The following CFAP77 variants were observed in gnomAD, a reference collection of about 807,000 sequenced individuals.
The protein encoded by CFAP77 is cilia and flagella associated protein 77, also known as cilia- and flagella-associated protein 77.
Under a neutral mutation model 31.1 loss-of-function variants are expected in CFAP77, and 25 were observed. The ratio of observed to expected loss-of-function variants is 0.80; its 90% CI spans 0.59 to 1.12. CFAP77 has a LOEUF of 1.12. CFAP77 is among the 50% of genes most tolerant of loss of function. The probability of loss-of-function intolerance (pLI) is 0.00; values close to 1 mark genes in which losing one functional copy is unlikely to be tolerated. For missense variants in CFAP77, 377 were observed against 397.3 expected, an observed-to-expected ratio of 0.95 and a Z score of 0.44; for synonymous variants, 151 against 159.9, an observed-to-expected ratio of 0.94 and a Z score of 0.42.
rs1850901970 is a variant in CFAP77 at position 132,455,763 on chromosome 9, CCAAATGTCTCTCCACT to C, written c.196-42929_196-42914del. On this transcript the variant is annotated intron_variant, in intron 1 of 5. Coordinates refer to ENST00000393216, the MANE Select transcript of CFAP77 (RefSeq NM_001282957.2). The surrounding 1 kb of genome is among the most constrained non-coding windows in gnomAD (Gnocchi z 4.1). ...ACAAAACAAAAAAGCAAAACGAACC[CCAAATGTCTCTCCACT>C]CAGCTCCCAACAGGATGCAATTGTC... Among the ~76,000 whole-genome samples, 1 of 151,810 alleles carries C rather than the reference CCAAATGTCTCTCCACT, an allele frequency of 6.6e-6. No individual in the cohort carries two copies. Among genetic ancestry groups the C allele is most frequent in the African/African-American group, 2.4e-5 (1 of 41,324 alleles).
chr9:132,471,677 AG>A lies in CFAP77; in HGVS notation c.196-27012del, dbSNP rs554663686. On this transcript the variant is annotated intron_variant, in intron 1 of 5. Coordinates refer to ENST00000393216, the MANE Select transcript of CFAP77 (RefSeq NM_001282957.2). The stretch of plus-strand genomic sequence containing the variant: ...TTTCTATGCAGGAGCATTGTGAGAG[AG>A]GGGGGTTGTTTTTGTTTTGTTTTGT... 2.4e-4 allele frequency among the ~76,000 whole-genome samples: 34 copies of A among 142,274 alleles called. No homozygotes were observed. In the South Asian group the frequency reaches 3.7e-3, roughly 15 times the overall value. 93.3% of individuals were successfully genotyped at this position (142,274 alleles called of 152,430 possible). A position where few individuals can be genotyped will look rare whatever the true frequency, so the allele number is the denominator to read the frequency against.
chr9:132,516,830 G>T (rs938579338), intron 3 of CFAP77, among the ~76,000 whole-genome samples: 1 of 152,090 alleles, frequency 6.6e-6, no homozygotes, highest in African/African-American at 2.4e-5. Flanking sequence ...AGATTTAGTG[G>T]TAGCTTTGGT....
At chr9:132,522,526 C>T (rs1032306260) in intron 3 of CFAP77, among the ~76,000 whole-genome samples, 5 of 152,148 alleles carry the variant, frequency 3.3e-5, no homozygotes, top group East Asian at 1.9e-4. Context: ...GGGCAAAAAT[C>T]GTTCATTTTG....
chr9:132,523,285 C>T (rs1428844377), intron 3 of CFAP77, among the ~76,000 whole-genome samples: 3 of 152,196 alleles, frequency 2.0e-5, no homozygotes, highest in Non-Finnish European at 2.9e-5. Flanking sequence ...GACAGGGTTT[C>T]GCCACATTGG....
chr9:132,411,553 T>G (rs1249539167), intron 1 of CFAP77, among the ~76,000 whole-genome samples: 1 of 152,160 alleles, frequency 6.6e-6, no homozygotes, highest in Non-Finnish European at 1.5e-5. Context: ...CTTCCCACAC[T>G]CGTGCCTTTC....
intron 1 of CFAP77, among the ~76,000 whole-genome samples, chr9:132,441,745 A>G (rs1850618886): frequency 6.6e-6 from 1 of 152,160 alleles, no homozygotes; most frequent in African/African-American, 2.4e-5. Flanking sequence ...CCCCGGATTC[A>G]AATACCAGGA....
intron 1 of CFAP77, among the ~76,000 whole-genome samples, chr9:132,469,763 T>C (rs1851220123): frequency 1.3e-5 from 2 of 151,800 alleles, no homozygotes; most frequent in South Asian, 4.2e-4. Context: ...CTTAAACATC[T>C]AAGAAATAGC....
At chr9:132,419,789 A>G in intron 1 of CFAP77, among the ~76,000 whole-genome samples, 1 of 152,130 alleles carries the variant, frequency 6.6e-6, no homozygotes, top group Non-Finnish European at 1.5e-5. Context: ...GAAACACAAG[A>G]GGTTGAAGAC....
intron 1 of CFAP77, among the ~76,000 whole-genome samples, chr9:132,425,404 C>T (rs1850296196): frequency 6.6e-6 from 1 of 152,126 alleles, no homozygotes; most frequent in Admixed American, 6.6e-5. Context: ...AGTCCCCTCT[C>T]TCAATGCTCC....
chr9:132,448,020 G>A (rs1850757715), intron 1 of CFAP77, among the ~76,000 whole-genome samples: 1 of 152,204 alleles, frequency 6.6e-6, no homozygotes, highest in Admixed American at 6.5e-5. Context: ...GTTTGGGAGT[G>A]TGGCTTAATT....
chr9:132,410,381 C>T lies in CFAP77; in HGVS notation c.110C>T (p.Thr37Ile), dbSNP rs142843932. The change falls in exon 1 of 6, where the codon ACC becomes ATC. Residue 37 changes from threonine to isoleucine, a missense_variant. Coordinates refer to ENST00000393216, the MANE Select transcript of CFAP77 (RefSeq NM_001282957.2). Reference sequence around the variant, plus strand: ...TGCCCGCCCCCGCGGCGGCCCCTGACCGTGGCGGACATCCGTTCCGGCATG... The same window carrying T: ...TGCCCGCCCCCGCGGCGGCCCCTGATCGTGGCGGACATCCGTTCCGGCATG... Reference protein sequence around the residue: ...QVCPPPRRPLTVADIRSGMEN... With the variant: ...QVCPPPRRPLIVADIRSGMEN... 6.2e-7 allele frequency: 1 copy of T among 1,600,160 alleles called. No individual in the cohort carries two copies. Among genetic ancestry groups the T allele is most frequent in the Non-Finnish European group, 8.5e-7 (1 of 1,174,908 alleles).
intron 1 of CFAP77, among the ~76,000 whole-genome samples, chr9:132,488,601 G>C (rs989321089): frequency 6.6e-6 from 1 of 152,232 alleles, no homozygotes; most frequent in Non-Finnish European, 1.5e-5. Flanking sequence ...CAGGTCTAGA[G>C]ACCTTCGTTC....
chr9:132,420,647 GA>G (rs1378322770), intron 1 of CFAP77, among the ~76,000 whole-genome samples: 1 of 149,040 alleles, frequency 6.7e-6, no homozygotes, highest in Non-Finnish European at 1.5e-5. Flanking sequence ...CAGCCTGGGT[GA>G]CAAGTGAGAC....
At chr9:132,435,153 A>G (rs913774930) in intron 1 of CFAP77, among the ~76,000 whole-genome samples, 1 of 152,188 alleles carries the variant, frequency 6.6e-6, no homozygotes, top group African/African-American at 2.4e-5. Flanking sequence ...TCCTAGGAAC[A>G]GCGGGAGGGA....
intron 3 of CFAP77, among the ~76,000 whole-genome samples, chr9:132,504,688 A>G (rs919368550): frequency 6.6e-6 from 1 of 152,230 alleles, no homozygotes; most frequent in Non-Finnish European, 1.5e-5. Flanking sequence ...ATATCCCCCA[A>G]AGCAGGCCCA....
At chr9:132,433,971 TAA>T (rs1229342874) in intron 1 of CFAP77, among the ~76,000 whole-genome samples, 90 of 129,830 alleles carry the variant, frequency 6.9e-4, no homozygotes, top group African/African-American at 1.6e-3. Flanking sequence ...ACCCCATGTG[TAA>T]AAAAAAAAAA....
intron 1 of CFAP77, among the ~76,000 whole-genome samples, chr9:132,441,205 G>A (rs771123459): frequency 1.3e-5 from 2 of 152,128 alleles, no homozygotes; most frequent in Admixed American, 6.5e-5. Flanking sequence ...TTGGGAGTAG[G>A]GGGAAAAGGA....
At chr9:132,468,791 G>GCA (rs35585148) in intron 1 of CFAP77, among the ~76,000 whole-genome samples, 80,172 of 148,554 alleles carry the variant, frequency 0.54, 22,336 homozygotes, top group East Asian at 0.89. Context: ...ACACACACAC[G>GCA]CACACACACA....
intron 1 of CFAP77, among the ~76,000 whole-genome samples, chr9:132,485,441 G>A (rs918264164): frequency 6.6e-6 from 1 of 152,214 alleles, no homozygotes; most frequent in African/African-American, 2.4e-5. Flanking sequence ...CCAAGCTCAT[G>A]TTCTTAATCA....
Sources: gnomAD v4.1 joint callset for allele counts (sites outside exome capture counted in the v4.1 genomes callset) on GRCh38, gnomAD v4.1.1 for gene constraint, Gnocchi (gnomAD v3.1) non-coding constraint, MANE v1.5 for transcripts, NCBI Gene and HGNC (gene_info 2026-07-23, HGNC 2026-07-21) for gene names.